The following IL1RAPL2 variants were observed in gnomAD, a reference collection of about 807,000 sequenced individuals.
The protein encoded by IL1RAPL2 is interleukin 1 receptor accessory protein like 2.
A neutral mutation model predicts 44.1 loss-of-function variants in IL1RAPL2; 3 were observed. The ratio of observed to expected loss-of-function variants is 0.07; its 90% CI spans 0.03 to 0.18. IL1RAPL2 has a LOEUF of 0.18. Ranked by LOEUF, IL1RAPL2 falls within the 10% of genes least tolerant of loss-of-function variation. IL1RAPL2 has a pLI of 1.00. For missense variants in IL1RAPL2, 391 were observed against 496.4 expected, an observed-to-expected ratio of 0.79 and a Z score of 2.02; for synonymous variants, 181 against 178.8, an observed-to-expected ratio of 1.01 and a Z score of -0.10.
At chrX:105,104,769 T>C (rs2032716613) in intron 2 of IL1RAPL2, among the ~76,000 whole-genome samples, 1 of 111,862 alleles carries the variant, frequency 8.9e-6, no homozygotes, top group Non-Finnish European at 1.9e-5. Context: ...GTGGCTGAAA[T>C]GGACAAATAT....
intron 6 of IL1RAPL2, among the ~76,000 whole-genome samples, chrX:105,489,787 TTCTCTCTCTCTCTC>T (rs36081932): frequency 4.1e-5 from 3 of 73,373 alleles, no homozygotes; most frequent in Admixed American, 1.7e-4. Flanking sequence ...CTTTCTCTCT[TTCTCTCTCTCTCTC>T]TCTCTCTCTC....
At chrX:105,140,549 G>A (rs1405406304) in intron 2 of IL1RAPL2, among the ~76,000 whole-genome samples, 4 of 112,214 alleles carry the variant, frequency 3.6e-5, no homozygotes, top group African/African-American at 9.7e-5. Context: ...TGCATCAGCC[G>A]CTGAGATTAC....
At chrX:105,110,575 T>C (rs2032790975) in intron 2 of IL1RAPL2, among the ~76,000 whole-genome samples, 1 of 112,048 alleles carries the variant, frequency 8.9e-6, no homozygotes, top group Non-Finnish European at 1.9e-5. Flanking sequence ...CAAGGTAACA[T>C]TCACTATCCT....
chrX:105,048,138 AAGAG>A (rs937732185), intron 2 of IL1RAPL2, among the ~76,000 whole-genome samples: 4 of 111,561 alleles, frequency 3.6e-5, no homozygotes, highest in South Asian at 3.8e-4. Context: ...GTCTAGGTAA[AAGAG>A]AGAGAGGAAC....
intron 1 of IL1RAPL2, among the ~76,000 whole-genome samples, chrX:104,629,787 CT>C (rs1282208605): frequency 1.8e-5 from 2 of 111,499 alleles, no homozygotes; most frequent in Non-Finnish European, 3.8e-5. Context: ...GAAGAGTGTC[CT>C]TTCCCCAATG....
intron 2 of IL1RAPL2, among the ~76,000 whole-genome samples, chrX:104,829,562 C>G (rs1921553029): frequency 2.7e-5 from 3 of 112,570 alleles, no homozygotes; most frequent in African/African-American, 9.7e-5. Context: ...GCAGCCAGAG[C>G]TGTTCGTATT....
chrX:104,666,690 A>T (rs976597048), intron 2 of IL1RAPL2, among the ~76,000 whole-genome samples: 7 of 111,200 alleles, frequency 6.3e-5, no homozygotes, highest in African/African-American at 2.3e-4. Flanking sequence ...TCATAACCCA[A>T]CTCATGTAGG....
chrX:104,820,103 A>C (rs1046239672), intron 2 of IL1RAPL2, among the ~76,000 whole-genome samples: 1 of 111,710 alleles, frequency 9.0e-6, no homozygotes, highest in Non-Finnish European at 1.9e-5. Context: ...GAAAAATGGA[A>C]TGTGCTTTAA....
At chrX:104,600,382 T>G (rs915000991) in intron 1 of IL1RAPL2, among the ~76,000 whole-genome samples, 1 of 111,199 alleles carries the variant, frequency 9.0e-6, no homozygotes, top group African/African-American at 3.3e-5. Flanking sequence ...AAATAGAAAG[T>G]GAAAGCACGT....
chrX:105,115,799 G>C (rs1569385752), intron 2 of IL1RAPL2, among the ~76,000 whole-genome samples: 1 of 112,970 alleles, frequency 8.9e-6, no homozygotes, highest in Non-Finnish European at 1.9e-5. Context: ...CTGGAGCAGA[G>C]AGCGGCGCTC....
intron 2 of IL1RAPL2, among the ~76,000 whole-genome samples, chrX:104,967,916 CA>C (rs1191306575): frequency 1.5e-4 from 17 of 110,093 alleles, no homozygotes; most frequent in Non-Finnish European, 2.9e-4. Flanking sequence ...AAAAAAAGAA[CA>C]AAAAAAGGAC....
chrX:105,234,510 G>A (rs1378380539), intron 4 of IL1RAPL2, among the ~76,000 whole-genome samples: 2 of 111,855 alleles, frequency 1.8e-5, no homozygotes, highest in Non-Finnish European at 3.8e-5. Context: ...CTCAAAGGTT[G>A]AACAGAAGAG....
Position 105,415,329 on chromosome X carries a change from G to A in IL1RAPL2, c.698-68984G>A, listed in dbSNP as rs992557046. 2.7e-5 allele frequency among the ~76,000 whole-genome samples: 3 copies of A among 111,481 alleles called. No individual in the cohort carries two copies. The South Asian group carries it at 1.1e-3, about 42-fold the overall frequency. On this transcript the variant is annotated intron_variant, in intron 5 of 10. Coordinates refer to ENST00000372582, the MANE Select transcript of IL1RAPL2 (RefSeq NM_017416.2). ...GAAAGCAAAGCAAAACCAGCATTAGGATGGTTATATATAATAGGAATGGTT... is the reference window on the plus strand; with the variant it reads ...GAAAGCAAAGCAAAACCAGCATTAGAATGGTTATATATAATAGGAATGGTT...
chrX:105,118,460 A>G (rs2032885001), intron 2 of IL1RAPL2, among the ~76,000 whole-genome samples: 1 of 112,345 alleles, frequency 8.9e-6, no homozygotes, highest in African/African-American at 3.2e-5. Flanking sequence ...ACAAATGTGC[A>G]AGTAAATTGA....
intron 2 of IL1RAPL2, among the ~76,000 whole-genome samples, chrX:104,755,830 A>C (rs768219706): frequency 9.0e-6 from 1 of 111,689 alleles, no homozygotes; most frequent in East Asian, 2.8e-4. Context: ...CAGAGCAGGT[A>C]GAACTTGATT....
chrX:104,926,454 C>T (rs1195019499), intron 2 of IL1RAPL2, among the ~76,000 whole-genome samples: 1 of 111,191 alleles, frequency 9.0e-6, no homozygotes, highest in African/African-American at 3.3e-5. Context: ...TAATCTAGGC[C>T]CCTATTTGTA....
At chrX:104,900,326 G>T (rs1239362254) in intron 2 of IL1RAPL2, among the ~76,000 whole-genome samples, 3 of 110,846 alleles carry the variant, frequency 2.7e-5, no homozygotes, top group Non-Finnish European at 5.7e-5. Context: ...TGGCATACGG[G>T]ATCAGATACA....
intron 2 of IL1RAPL2, among the ~76,000 whole-genome samples, chrX:104,879,434 T>C (rs1404653486): frequency 2.9e-5 from 3 of 102,887 alleles, no homozygotes; most frequent in Non-Finnish European, 5.8e-5. Flanking sequence ...CACTTTGGTG[T>C]CTGCATTTTC....
chrX:105,453,996 A>G (rs998421305), intron 5 of IL1RAPL2, among the ~76,000 whole-genome samples: 1 of 111,897 alleles, frequency 8.9e-6, no homozygotes, highest in Non-Finnish European at 1.9e-5. Flanking sequence ...TGTCTATGGA[A>G]GAACACTGGA....
Sources: gnomAD v4.1 joint callset for allele counts (sites outside exome capture counted in the v4.1 genomes callset) on GRCh38, gnomAD v4.1.1 for gene constraint, MANE v1.5 for transcripts, NCBI Gene and HGNC (gene_info 2026-07-23, HGNC 2026-07-21) for gene names.